Variants in UTRN observed in about 807,000 individuals in gnomAD.
UTRN encodes utrophin.
Under a neutral mutation model 463.9 loss-of-function variants are expected in UTRN, and 283 were observed. The observed-to-expected ratio is 0.61, with a 90% CI of 0.55 to 0.67. The LOEUF is 0.67. Ranked by LOEUF, UTRN falls within the 30% of genes least tolerant of loss-of-function variation. The pLI is 0.00. For missense variants in UTRN, 3,922 were observed against 4,084.3 expected, an observed-to-expected ratio of 0.96 and a Z score of 1.08; for synonymous variants, 1,442 against 1,431.5, an observed-to-expected ratio of 1.01 and a Z score of -0.17.
chr6:144,771,556 G>A lies in UTRN; in HGVS notation c.8496-351G>A, dbSNP rs6914977. 4.8e-3 allele frequency among the ~76,000 whole-genome samples: 725 copies of A among 152,100 alleles called. 3 individuals carry two copies. Among genetic ancestry groups the A allele is most frequent in the African/African-American group, 0.015 (612 of 41,458 alleles). ...TTCTCATGCCTCACCCTCCTGAGTAGCTAGGACTACAGGCACCCACCACCA... is the reference window on the plus strand; with the variant it reads ...TTCTCATGCCTCACCCTCCTGAGTAACTAGGACTACAGGCACCCACCACCA... On this transcript the variant is annotated intron_variant, in intron 58 of 74. Coordinates refer to ENST00000367545, the MANE Select transcript of UTRN (RefSeq NM_007124.3).
intron 41 of UTRN, among the ~76,000 whole-genome samples, chr6:144,525,845 G>T (rs185874431): frequency 6.6e-6 from 1 of 151,874 alleles, no homozygotes; most frequent in African/African-American, 2.4e-5. Flanking sequence ...TCTTAGTACC[G>T]CTTTTGCCAT....
Position 144,499,824 on chromosome 6 carries a change from G to A in UTRN, c.4764+397G>A, listed in dbSNP as rs139571582. 3.8e-3 allele frequency among the ~76,000 whole-genome samples: 584 copies of A among 152,090 alleles called. 3 individuals are homozygous for A. The highest frequency in any genetic ancestry group is 0.014 in the African/African-American group (565 of 41,494). On this transcript the variant is annotated intron_variant, in intron 34 of 74. Coordinates refer to ENST00000367545, the MANE Select transcript of UTRN (RefSeq NM_007124.3). ...ATCGTTCCCTTCTTTATGGCCTTGC[G>A]TACCCAATGTTTAGCCCCCACTTGT...
At chr6:144,530,155 C>T (rs1796912832) in intron 41 of UTRN, among the ~76,000 whole-genome samples, 1 of 152,170 alleles carries the variant, frequency 6.6e-6, no homozygotes, top group East Asian at 1.9e-4. Context: ...GACTGGGTAG[C>T]TTAAACAACA....
At chr6:144,678,331 G>T in intron 51 of UTRN, 75 bp from the exon 52 acceptor site, 1 of 1,413,278 alleles carries the variant, frequency 7.1e-7, no homozygotes, top group Middle Eastern at 1.9e-4. Context: ...TTTTGCTTGA[G>T]AGCAACTCAT....
rs1428641511 is a variant in UTRN, at chr6:144,690,072, C to CTATTTTTTTTTTTTTTTTTT, written c.7653-10014_7653-10013insATTTTTTTTTTTTTTTTTTT. Among the ~76,000 whole-genome samples, 2 of 35,662 alleles carry CTATTTTTTTTTTTTTTTTTT rather than the reference C, an allele frequency of 5.6e-5. 1 individual carries two copies. The highest frequency in any genetic ancestry group is 2.5e-4 in the African/African-American group (2 of 8,126). 23.4% of individuals were successfully genotyped at this position (35,662 alleles called of 152,430 possible). ...GGGGCCATAGAGCTCCCAAAAGTTT[C>CTATTTTTTTTTTTTTTTTTT]TGTTTTTTTTTTTTTTTTTTTTTTG... On this transcript the variant is annotated intron_variant, in intron 52 of 74. Coordinates refer to ENST00000367545, the MANE Select transcript of UTRN (RefSeq NM_007124.3).
At chr6:144,719,007 A>G (rs75376745) in intron 53 of UTRN, among the ~76,000 whole-genome samples, 5,041 of 152,264 alleles carry the variant, frequency 0.033, 108 homozygotes, top group East Asian at 0.049. Context: ...GCAAAACAAC[A>G]CAGATGTTGT....
chr6:144,762,045 G>T (rs1010000774), intron 58 of UTRN, among the ~76,000 whole-genome samples: 3 of 152,132 alleles, frequency 2.0e-5, no homozygotes, highest in African/African-American at 4.8e-5. Context: ...GCTGAATCTT[G>T]TGCATAGATG....
At chr6:144,420,080 C>T (rs1390829504) in intron 3 of UTRN, among the ~76,000 whole-genome samples, 1 of 152,016 alleles carries the variant, frequency 6.6e-6, no homozygotes, top group Non-Finnish European at 1.5e-5. Context: ...GCTCCTTCTT[C>T]CCCCTCCTCC....
intron 34 of UTRN, among the ~76,000 whole-genome samples, chr6:144,510,257 T>G (rs1216606846): frequency 1.3e-5 from 2 of 152,222 alleles, no homozygotes; most frequent in Non-Finnish European, 2.9e-5. Flanking sequence ...TCATGCTCTC[T>G]CTATAATTCT....
chr6:144,625,381 C>T (rs764645589), intron 51 of UTRN, among the ~76,000 whole-genome samples: 1 of 152,120 alleles, frequency 6.6e-6, no homozygotes, highest in African/African-American at 2.4e-5. Flanking sequence ...ATGGTTTATG[C>T]TTTCCATGGA....
intron 54 of UTRN, 123 bp downstream of exon 54, chr6:144,730,609 GTTACTTTA>G: frequency 2.6e-6 from 3 of 1,166,452 alleles, no homozygotes; most frequent in Non-Finnish European, 3.3e-6. Context: ...TCTTCTAAGT[GTTACTTTA>G]TTCAAATATG....
chr6:144,759,035 G>A (rs1289087410), intron 58 of UTRN, among the ~76,000 whole-genome samples: 1 of 152,056 alleles, frequency 6.6e-6, no homozygotes, highest in Non-Finnish European at 1.5e-5. Context: ...TGGTGAAATA[G>A]TCTTTTCTTA....
At chr6:144,698,411 G>A (rs1162340151) in intron 52 of UTRN, among the ~76,000 whole-genome samples, 1 of 152,186 alleles carries the variant, frequency 6.6e-6, no homozygotes, top group African/African-American at 2.4e-5. Flanking sequence ...TTTGAACTTC[G>A]TTCTGTATTT....
intron 25 of UTRN, among the ~76,000 whole-genome samples, chr6:144,479,114 G>GTTTTTTTTT (rs36044387): frequency 8.7e-6 from 1 of 114,784 alleles, no homozygotes; most frequent in Non-Finnish European, 1.8e-5. Context: ...GCTTCTAGGG[G>GTTTTTTTTT]TTTTTTTTTT....
intron 51 of UTRN, among the ~76,000 whole-genome samples, chr6:144,632,808 G>A (rs113974331): frequency 0.017 from 2,510 of 150,846 alleles, 45 homozygotes; most frequent in African/African-American, 0.044. Flanking sequence ...TGCAACCTCC[G>A]CCTCCCGGGT....
intron 41 of UTRN, among the ~76,000 whole-genome samples, chr6:144,530,396 C>T (rs1796936693): frequency 6.6e-6 from 1 of 152,182 alleles, no homozygotes; most frequent in African/African-American, 2.4e-5. Flanking sequence ...TCCTGGAAAG[C>T]TCTATCTCTA....
intron 73 of UTRN, among the ~76,000 whole-genome samples, chr6:144,843,377 A>T (rs1372103405): frequency 6.6e-6 from 1 of 152,122 alleles, no homozygotes; most frequent in Non-Finnish European, 1.5e-5. Context: ...TTTACTCTTA[A>T]ATTTTTCTCA....
intron 58 of UTRN, among the ~76,000 whole-genome samples, chr6:144,760,767 T>G (rs971941899): frequency 1.3e-5 from 2 of 152,178 alleles, no homozygotes; most frequent in Admixed American, 6.5e-5. Flanking sequence ...ATGATTGCCA[T>G]GCAATGAGAA....
At chr6:144,427,752 CA>C (rs1785420680) in intron 7 of UTRN, among the ~76,000 whole-genome samples, 1 of 152,090 alleles carries the variant, frequency 6.6e-6, no homozygotes, top group Admixed American at 6.5e-5. Context: ...GCCAATATAC[CA>C]TTCCATTTAT....
Sources: gnomAD v4.1 joint callset for allele counts (sites outside exome capture counted in the v4.1 genomes callset) on GRCh38, gnomAD v4.1.1 for gene constraint, MANE v1.5 for transcripts, NCBI Gene and HGNC (gene_info 2026-07-23, HGNC 2026-07-21) for gene names.